The following SPACA7 variants were observed in gnomAD, a reference collection of about 807,000 sequenced individuals.
SPACA7 encodes sperm acrosome associated 7.
SPACA7 carries 19 observed loss-of-function variants against 26.3 expected under a neutral mutation model. The observed-to-expected ratio is 0.72, with a 90% confidence interval of 0.50 to 1.06. The LOEUF is 1.06. Ranked by LOEUF, SPACA7 falls within the 50% of genes least tolerant of loss-of-function variation. SPACA7 has a pLI of 0.00. For missense variants in SPACA7, 211 were observed against 229.9 expected (o/e 0.92, Z 0.53); for synonymous variants, 84 against 84.5 (o/e 0.99, Z 0.04).
At chr13:112,432,334 T>G (rs1744723724) in intron 5 of SPACA7, 110 bp from the exon 6 acceptor site, 2 of 810,566 alleles carry the variant, frequency 2.5e-6, no homozygotes, top group Admixed American at 2.1e-5. Context: ...GCTCTGTGCG[T>G]GGGTGCTGCT....
rs559646930 is a variant in SPACA7, at chr13:112,380,096, C to G, written c.94+3617C>G. 2.0e-4 allele frequency among the ~76,000 whole-genome samples: 31 copies of G among 152,240 alleles called. No individual in the cohort carries two copies. In the South Asian group the frequency reaches 6.4e-3, roughly 32 times the overall value. ...GTAAGACTACTCAACAGGTAAGAAACAAGTACCTCTTACAATCTCTTATTA... is the reference window on the plus strand; with the variant it reads ...GTAAGACTACTCAACAGGTAAGAAAGAAGTACCTCTTACAATCTCTTATTA... On this transcript the variant is annotated intron_variant, in intron 1 of 6. Transcript: ENST00000283550.
intron 5 of SPACA7, among the ~76,000 whole-genome samples, chr13:112,422,284 A>G (rs149393619): frequency 2.3e-4 from 35 of 152,338 alleles, no homozygotes; most frequent in Admixed American, 3.9e-4. Flanking sequence ...CAGAGCTTCA[A>G]AACAAGTATG....
intron 5 of SPACA7, among the ~76,000 whole-genome samples, chr13:112,410,416 T>C (rs757687710): frequency 7.2e-5 from 11 of 152,046 alleles, no homozygotes; most frequent in Non-Finnish European, 1.3e-4. Flanking sequence ...AAAAGTTGTT[T>C]GTTGTTGGGT....
At chr13:112,394,583 T>G (rs557945430) in intron 2 of SPACA7, among the ~76,000 whole-genome samples, 522 of 152,048 alleles carry the variant, frequency 3.4e-3, no homozygotes, top group Non-Finnish European at 3.6e-3. Flanking sequence ...GGTGGATGGA[T>G]GAGTGAGCGC....
At chr13:112,421,484 T>G (rs969256012) in intron 5 of SPACA7, among the ~76,000 whole-genome samples, 1 of 152,054 alleles carries the variant, frequency 6.6e-6, no homozygotes, top group African/African-American at 2.4e-5. Context: ...GAAAAAGAAA[T>G]AAAGAACAGA....
intron 5 of SPACA7, among the ~76,000 whole-genome samples, chr13:112,408,142 G>T: frequency 6.6e-6 from 1 of 152,162 alleles, no homozygotes; most frequent in East Asian, 1.9e-4. Context: ...AATAGATGCA[G>T]AAAAGGCCTT....
At chr13:112,422,765 C>T (rs530434423) in intron 5 of SPACA7, among the ~76,000 whole-genome samples, 14 of 152,148 alleles carry the variant, frequency 9.2e-5, no homozygotes, top group African/African-American at 1.9e-4. Flanking sequence ...AAATGAAGTG[C>T]GTCTCACTGC....
chr13:112,432,855 C>T (rs540127874), intron 6 of SPACA7, among the ~76,000 whole-genome samples: 18 of 152,294 alleles, frequency 1.2e-4, no homozygotes, highest in Non-Finnish European at 2.4e-4. Flanking sequence ...CACGTGATGA[C>T]GGGAGCCTGC....
chr13:112,434,143 C>T (rs1390939359), intron 6 of SPACA7, among the ~76,000 whole-genome samples: 1 of 152,192 alleles, frequency 6.6e-6, no homozygotes, highest in Non-Finnish European at 1.5e-5. Flanking sequence ...CCTCCTGGTA[C>T]TGACATCCCA....
intron 1 of SPACA7, among the ~76,000 whole-genome samples, chr13:112,390,591 T>G (rs1243959856): frequency 6.6e-6 from 1 of 152,162 alleles, no homozygotes; most frequent in African/African-American, 2.4e-5. Context: ...CTGTATAGGC[T>G]TCTGCTTCTG....
chr13:112,430,434 A>G (rs1237137291), intron 5 of SPACA7, among the ~76,000 whole-genome samples: 7 of 151,906 alleles, frequency 4.6e-5, no homozygotes, highest in Non-Finnish European at 8.8e-5. Context: ...TGTTTCATGT[A>G]TTTTTTCTTG....
chr13:112,387,341 C>G (rs966506656), intron 1 of SPACA7, among the ~76,000 whole-genome samples: 2 of 152,212 alleles, frequency 1.3e-5, no homozygotes, highest in Non-Finnish European at 2.9e-5. Flanking sequence ...CAGGGACCCA[C>G]AGCAAAGTTT....
chr13:112,410,982 C>T (rs1886311803), intron 5 of SPACA7, among the ~76,000 whole-genome samples: 1 of 152,026 alleles, frequency 6.6e-6, no homozygotes, highest in South Asian at 2.1e-4. Flanking sequence ...CTTAAGTATA[C>T]AGCATATACT....
At chr13:112,401,568 G>A (rs1458582659) in intron 5 of SPACA7, among the ~76,000 whole-genome samples, 3 of 152,174 alleles carry the variant, frequency 2.0e-5, no homozygotes, top group Middle Eastern at 3.4e-3. Flanking sequence ...TTTTGACTAC[G>A]TTTATAATTT....
chr13:112,382,573 G>A (rs1884150815), intron 1 of SPACA7: 2 of 1,523,082 alleles, frequency 1.3e-6, no homozygotes, highest in Non-Finnish European at 1.8e-6. Flanking sequence ...GGGCTTCCAA[G>A]GCTTGTGTGG....
At chr13:112,403,182 C>G (rs1304009646) in intron 5 of SPACA7, among the ~76,000 whole-genome samples, 2 of 151,998 alleles carry the variant, frequency 1.3e-5, no homozygotes, top group Non-Finnish European at 2.9e-5. Context: ...CTTCAGGTTT[C>G]TTAATCAATG....
chr13:112,402,334 TTAAC>T (rs1566470882), intron 5 of SPACA7, among the ~76,000 whole-genome samples: 1 of 152,252 alleles, frequency 6.6e-6, no homozygotes, highest in Admixed American at 6.5e-5. Context: ...ATTGTGTACT[TTAAC>T]TGGTCTTTTG....
In SPACA7 at chr13:112,382,432, G is replaced by A. The variant is rs369438742; in HGVS notation, c.94+5953G>A. 3.2e-6 allele frequency: 5 copies of A among 1,549,550 alleles called. No individual in the cohort carries two copies. In the African/African-American group the frequency reaches 6.9e-5, roughly 21 times the overall value. ...TTAATCTTCAGGTGCAGGCTGTGAA[G>A]ATGGGAAAAGGCTGTCAATGCTCTG... is the stretch of plus-strand genomic sequence containing the variant. On this transcript the variant is annotated intron_variant, in intron 1 of 6. Transcript: ENST00000283550.
At chr13:112,389,573 C>A (rs777761599) in intron 1 of SPACA7, among the ~76,000 whole-genome samples, 5 of 152,198 alleles carry the variant, frequency 3.3e-5, no homozygotes, top group Non-Finnish European at 5.9e-5. Context: ...TCAAGCACAT[C>A]TTTTTTCTCT....
Sources: allele counts gnomAD v4.1 joint callset (sites outside exome capture counted in the v4.1 genomes callset), GRCh38; gene constraint gnomAD v4.1.1; transcripts MANE v1.5; gene names NCBI Gene and HGNC (gene_info 2026-07-23, HGNC 2026-07-21).